Variants in PTBP3 observed in about 807,000 individuals in gnomAD.
PTBP3 encodes polypyrimidine tract-binding protein 3.
PTBP3 carries 20 observed loss-of-function variants against 58.7 expected under a neutral mutation model. The ratio of observed to expected loss-of-function variants is 0.34; its 90% CI spans 0.24 to 0.50. The LOEUF (loss-of-function observed/expected upper bound fraction) is 0.50, where lower values mean the gene tolerates loss of function less well. Among genes scored for constraint, PTBP3 ranks in the 20% least tolerant of loss-of-function variants. The pLI, the probability that PTBP3 is intolerant of heterozygous loss-of-function variation, is 0.98. For synonymous variants in PTBP3, 185 were observed against 219.8 expected (o/e 0.84, Z 1.40); for missense variants, 509 against 637.2 (o/e 0.80, Z 2.17).
At chr9:112,282,185 G>A (rs983214924) in intron 2 of PTBP3, among the ~76,000 whole-genome samples, 8 of 152,020 alleles carry the variant, frequency 5.3e-5, no homozygotes, top group African/African-American at 1.9e-4. Context: ...ACCAATTCTG[G>A]GAGGATACAA....
chr9:112,311,088 T>C (rs915995926), intron 1 of PTBP3, among the ~76,000 whole-genome samples: 1 of 152,196 alleles, frequency 6.6e-6, no homozygotes, highest in African/African-American at 2.4e-5. Context: ...CTGGCTGCTG[T>C]GTTAAGAACA....
intron 7 of PTBP3, among the ~76,000 whole-genome samples, chr9:112,244,309 T>TAAAAAAAAAAAAAAAAAAAAAAAAAAAA (rs1835790060): frequency 2.3e-5 from 1 of 44,376 alleles, no homozygotes; most frequent in Non-Finnish European, 4.6e-5. Context: ...AAAAAAAAAG[T>TAAAAAAAAAAAAAAAAAAAAAAAAAAAA]TCTCAGGAAT....
rs375978432 is a variant in PTBP3 at position 112,250,544 on chromosome 9, A to G, written c.802+385T>C. 1.1e-4 allele frequency among the ~76,000 whole-genome samples: 17 copies of G among 152,320 alleles called. No individual in the cohort carries two copies. The South Asian group carries it at 3.5e-3, about 32-fold the overall frequency. On this transcript the variant is annotated intron_variant, in intron 7 of 13. Transcript: ENST00000374257. ...ATCATACTATTAATTTAAGCTTGAT[A>G]TAAAATATCACTACTTAAAAAAGGA... is the stretch of plus-strand genomic sequence containing the variant.
At chr9:112,351,907 T>A in the PTBP3 span, among the ~76,000 whole-genome samples, 2 of 151,982 alleles carry the variant, frequency 1.3e-5, no homozygotes, top group African/African-American at 4.8e-5. Flanking sequence ...GTACATTTAC[T>A]ACCTCAGTCC....
chr9:112,278,109 A>G (rs948516721), intron 2 of PTBP3, among the ~76,000 whole-genome samples: 43 of 152,146 alleles, frequency 2.8e-4, no homozygotes, highest in Admixed American at 6.5e-5. Context: ...GCCTCATTTG[A>G]GTCTCACAAA....
At chr9:112,257,538 AAG>A (rs542524091) in intron 5 of PTBP3, among the ~76,000 whole-genome samples, 115 of 152,344 alleles carry the variant, frequency 7.5e-4, no homozygotes, top group African/African-American at 2.5e-3. Flanking sequence ...ACACAGGACT[AAG>A]AAGATACTAA....
intron 2 of PTBP3, among the ~76,000 whole-genome samples, chr9:112,290,687 A>AAT (rs67387323): frequency 0.017 from 1,451 of 84,910 alleles, 21 homozygotes; most frequent in Middle Eastern, 0.042. Context: ...AAAAAAAAAA[A>AAT]ATATATATAT....
At chr9:112,361,167 G>A in the PTBP3 span, among the ~76,000 whole-genome samples, 1 of 152,126 alleles carries the variant, frequency 6.6e-6, no homozygotes, top group East Asian at 1.9e-4. Context: ...TGAGATCTTG[G>A]CTTACTGAAA....
At chr9:112,272,096 G>C (rs577009949) in intron 3 of PTBP3, among the ~76,000 whole-genome samples, 1 of 151,442 alleles carries the variant, frequency 6.6e-6, no homozygotes, top group South Asian at 2.1e-4. Context: ...TTTTGAGACA[G>C]AGTCTCACTA....
chr9:112,262,718 C>T, intron 4 of PTBP3, 119 bp from the exon 5 acceptor site: 1 of 890,342 alleles, frequency 1.1e-6, no homozygotes, highest in Non-Finnish European at 1.5e-6. Flanking sequence ...GATTTATCTA[C>T]TCCGTCTGGA....
intron 3 of PTBP3, among the ~76,000 whole-genome samples, chr9:112,274,533 A>C (rs1457174317): frequency 1.3e-5 from 2 of 152,176 alleles, no homozygotes; most frequent in African/African-American, 4.8e-5. Flanking sequence ...ACAATTATTA[A>C]AATCAACATG....
chr9:112,362,947 C>T, the PTBP3 span: 12 of 259,340 alleles, frequency 4.6e-5, no homozygotes, highest in East Asian at 1.0e-4. Flanking sequence ...GTTTCTGGTA[C>T]GCATTGTCAA....
intron 1 of PTBP3, among the ~76,000 whole-genome samples, chr9:112,331,673 TC>T (rs1328622486): frequency 1.3e-5 from 2 of 152,236 alleles, no homozygotes; most frequent in Non-Finnish European, 2.9e-5. Context: ...CAAATCATGC[TC>T]CGACTTGAAC....
At chr9:112,306,342 AT>A (rs1829208859) in intron 1 of PTBP3, among the ~76,000 whole-genome samples, 1 of 148,292 alleles carries the variant, frequency 6.7e-6, no homozygotes, top group Non-Finnish European at 1.5e-5. Flanking sequence ...TTTTTGTATT[AT>A]TTTGTAGAGA....
intron 1 of PTBP3, among the ~76,000 whole-genome samples, chr9:112,320,316 T>TATATATATATATATATATATATA (rs61624494): frequency 6.3e-5 from 2 of 31,586 alleles, no homozygotes; most frequent in African/African-American, 2.4e-4. Flanking sequence ...ATATATATAT[T>TATATATATATATATATATATATA]TTTTTTTAAG....
At chr9:112,282,473 AT>A (rs149231679) in intron 2 of PTBP3, among the ~76,000 whole-genome samples, 2 of 151,896 alleles carry the variant, frequency 1.3e-5, no homozygotes, top group East Asian at 1.9e-4. Flanking sequence ...CACTTTAGAC[AT>A]TTTTTCTTTT....
chr9:112,340,649 G>T, the PTBP3 span, among the ~76,000 whole-genome samples: 1 of 152,140 alleles, frequency 6.6e-6, no homozygotes, highest in Non-Finnish European at 1.5e-5. Context: ...TTGGGAGGCT[G>T]AGGCGGGTGG....
intron 1 of PTBP3, among the ~76,000 whole-genome samples, chr9:112,326,944 G>C (rs1227207435): frequency 1.3e-5 from 2 of 152,172 alleles, no homozygotes; most frequent in Non-Finnish European, 2.9e-5. Flanking sequence ...ATGCTTGGGT[G>C]TGGTGGCTCA....
At chr9:112,346,353 G>A in the PTBP3 span, among the ~76,000 whole-genome samples, 1 of 151,838 alleles carries the variant, frequency 6.6e-6, no homozygotes, top group East Asian at 1.9e-4. Context: ...TTTTAGTAGA[G>A]GTGGCATTTC....
Sources: gnomAD v4.1 joint callset for allele counts (sites outside exome capture counted in the v4.1 genomes callset) on GRCh38, gnomAD v4.1.1 for gene constraint, MANE v1.5 for transcripts, NCBI Gene and HGNC (gene_info 2026-07-23, HGNC 2026-07-21) for gene names.